Variants in MTERF4 observed in about 807,000 individuals in gnomAD.
The protein encoded by MTERF4 is transcription termination factor 4, mitochondrial.
A neutral mutation model predicts 22.5 loss-of-function variants in MTERF4; 17 were observed. That is an observed-to-expected ratio of 0.75 (90% CI 0.52 to 1.13). The LOEUF is 1.13. Ranked by LOEUF, MTERF4 falls within the 50% of genes most tolerant of loss-of-function variation. The pLI, the probability that MTERF4 is intolerant of heterozygous loss-of-function variation, is 0.00. For synonymous variants in MTERF4, 165 were observed against 175.3 expected (o/e 0.94, Z 0.47); for missense variants, 420 against 466.8 (o/e 0.90, Z 0.92).
chr2:241,063,684 A>G, the MTERF4 span: 1 of 1,609,518 alleles, frequency 6.2e-7, no homozygotes, highest in Non-Finnish European at 8.5e-7. Context: ...GCTTCGTTGG[A>G]GTCCACTGTG....
chr2:241,071,904 C>G (rs758878292), downstream of MTERF4: 2 of 1,559,852 alleles, frequency 1.3e-6, no homozygotes, highest in East Asian at 2.4e-5. Flanking sequence ...TCCCCACCCA[C>G]CTTGGTGGCC....
rs201170587 is a variant in MTERF4, at chr2:241,099,398, T to C, written c.518A>G (p.Glu173Gly). The change falls in exon 2 of 4, where the codon GAA becomes GGA. Residue 173 changes from glutamate to glycine, a missense_variant and splice_region_variant. Coordinates refer to ENST00000391980, the MANE Select transcript of MTERF4 (RefSeq NM_182501.4). The stretch of plus-strand genomic sequence containing the variant: ...CCAAAATCTGCAACTTCTTGTACCT[T>C]CTCCAAGCCCAAGCTTTTGCAGGTA... ...SSYLQKLGLG[E>G]GKLKRVLYCC... 5.9e-5 allele frequency: 95 copies of C among 1,611,648 alleles called. No individual in the cohort carries two copies. In the East Asian group the frequency reaches 1.9e-3, roughly 33 times the overall value.
the MTERF4 span, among the ~76,000 whole-genome samples, chr2:241,044,029 GT>G: frequency 6.6e-6 from 1 of 152,106 alleles, no homozygotes; most frequent in African/African-American, 2.4e-5. Context: ...GATATACATT[GT>G]AAACCCAAAA....
the MTERF4 span, chr2:241,053,075 G>T: frequency 2.1e-6 from 3 of 1,406,634 alleles, no homozygotes; most frequent in East Asian, 4.9e-5. Context: ...CCCTGCAGTC[G>T]GGTCGGGCAG....
At chr2:241,043,979 A>C in the MTERF4 span, among the ~76,000 whole-genome samples, 6 of 152,376 alleles carry the variant, frequency 3.9e-5, no homozygotes, top group South Asian at 1.2e-3. Flanking sequence ...TATTACATAA[A>C]GTGGTATATA....
At chr2:241,053,176 G>C in the MTERF4 span, 1 of 1,611,036 alleles carries the variant, frequency 6.2e-7, no homozygotes. Flanking sequence ...CCCCCCGGAG[G>C]AGGTGAAGCA....
chr2:241,062,845 G>A, the MTERF4 span: 29 of 1,611,662 alleles, frequency 1.8e-5, no homozygotes, highest in South Asian at 8.8e-5. Context: ...TGTCAGGACC[G>A]CGTTGCTGGG....
the MTERF4 span, among the ~76,000 whole-genome samples, chr2:241,050,283 C>T: frequency 1.3e-5 from 2 of 152,154 alleles, no homozygotes; most frequent in Non-Finnish European, 2.9e-5. Flanking sequence ...TGGAAAATGT[C>T]GAATTTTATT....
chr2:241,057,786 A>G, the MTERF4 span, among the ~76,000 whole-genome samples: 1 of 152,188 alleles, frequency 6.6e-6, no homozygotes, highest in African/African-American at 2.4e-5. Flanking sequence ...TCATACAAAC[A>G]CAGCTTCAGA....
rs766609524 is a variant in MTERF4 at position 241,099,452 on chromosome 2, G to C, written c.464C>G (p.Pro155Arg). Reference protein sequence around the residue: ...LKKSPQLLKLPIMQMRKRSSY... With the variant: ...LKKSPQLLKLRIMQMRKRSSY... ...GGAGCGCTTCCTCATTTGCATAATAGGCAGTTTCAATAACTGGGGACTTTT... is the reference window on the plus strand; with the variant it reads ...GGAGCGCTTCCTCATTTGCATAATACGCAGTTTCAATAACTGGGGACTTTT... The change falls in exon 2 of 4, where the codon CCT (proline) becomes CGT (arginine). Residue 155 changes from proline (P) to arginine (R), a missense_variant. Coordinates refer to ENST00000391980, the MANE Select transcript of MTERF4 (RefSeq NM_182501.4). The C allele has an allele frequency of 6.2e-7, 1 of 1,614,040 alleles. No homozygotes were observed. The highest frequency in any genetic ancestry group is 2.2e-5 in the East Asian group (1 of 44,900).
chr2:241,082,433 C>A, downstream of MTERF4: 1 of 1,207,642 alleles, frequency 8.3e-7, no homozygotes, highest in South Asian at 1.3e-5. Context: ...AGTGCTGTCT[C>A]AAAGCTACCC....
the MTERF4 span, among the ~76,000 whole-genome samples, chr2:241,057,380 A>AAAAAAAATATATATATAT: frequency 8.5e-5 from 10 of 118,130 alleles, no homozygotes; most frequent in African/African-American, 3.8e-4. Context: ...TCCATCTCAA[A>AAAAAAAATATATATATAT]ATATATATAT....
Position 241,099,643 on chromosome 2 carries a change from C to T in MTERF4, c.273G>A (p.Glu91=), listed in dbSNP as rs201975455. The T allele has an allele frequency of 1.9e-5, 30 of 1,614,106 alleles. No homozygotes were observed. Among genetic ancestry groups the T allele is most frequent in the African/African-American group, 6.7e-5 (5 of 74,946 alleles). Residue 91 remains glutamate, a synonymous_variant, in exon 2 of 4, where the codon GAG becomes GAA. Coordinates refer to ENST00000391980, the MANE Select transcript of MTERF4 (RefSeq NM_182501.4). Reference sequence around the variant, plus strand: ...GGAGGGAACTCATGACCCTCTCTAGCTCCAAGGACCCTTGTACCACAGGAG... The same window carrying T: ...GGAGGGAACTCATGACCCTCTCTAGTTCCAAGGACCCTTGTACCACAGGAG... ...QGTPVVQGSL[E]LERVMSSLLD... is the part of the protein sequence containing the mutation.
At chr2:241,078,176 C>T (rs368787166) in intron 4 of MTERF4, among the ~76,000 whole-genome samples, 2 of 150,356 alleles carry the variant, frequency 1.3e-5, no homozygotes, top group East Asian at 3.9e-4. Context: ...CCAGGTCAGG[C>T]GTTCGAGACA....
At chr2:241,101,784 G>C (rs560446343) in intron 1 of MTERF4, among the ~76,000 whole-genome samples, 58 of 152,360 alleles carry the variant, frequency 3.8e-4, no homozygotes, top group Admixed American at 6.5e-4. Context: ...CGGGCGCGGT[G>C]GCTCACGCCT....
chr2:241,069,922 C>A (rs1254109248), downstream of MTERF4: 1 of 1,611,944 alleles, frequency 6.2e-7, no homozygotes, highest in Non-Finnish European at 8.5e-7. This position sits in a 1 kb window ranked among gnomAD's most constrained non-coding sequence, Gnocchi z 4.9. Flanking sequence ...TCATCCAGGG[C>A]CCCTGCCTCC....
the MTERF4 span, among the ~76,000 whole-genome samples, chr2:241,057,128 C>T: frequency 2.0e-5 from 3 of 151,288 alleles, no homozygotes; most frequent in African/African-American, 4.9e-5. Context: ...CCTGTAATTC[C>T]AGCACTTTGG....
At chr2:241,077,842 C>T (rs1327083104) in intron 4 of MTERF4, among the ~76,000 whole-genome samples, 2 of 152,092 alleles carry the variant, frequency 1.3e-5, no homozygotes, top group East Asian at 1.9e-4. Context: ...TTGGTGAGGA[C>T]GTGGAGAGAT....
At chr2:241,043,938 GAA>G in the MTERF4 span, among the ~76,000 whole-genome samples, 1 of 152,172 alleles carries the variant, frequency 6.6e-6, no homozygotes, top group Admixed American at 6.5e-5. Flanking sequence ...AAGATAAGAA[GAA>G]ATGGAAGTAT....
Sources: gnomAD v4.1 joint callset for allele counts (sites outside exome capture counted in the v4.1 genomes callset) on GRCh38, gnomAD v4.1.1 for gene constraint, Gnocchi (gnomAD v3.1) non-coding constraint, MANE v1.5 for transcripts, NCBI Gene and HGNC (gene_info 2026-07-23, HGNC 2026-07-21) for gene names.